MYT1L: variants seen among roughly 807,000 people sequenced by gnomAD.
The protein encoded by MYT1L is myelin transcription factor 1 like, also known as myelin transcription factor 1-like protein.
In MYT1L, 12 loss-of-function variants were observed where a neutral mutation model predicts 126.7. The ratio of observed to expected loss-of-function variants is 0.09; its 90% CI spans 0.06 to 0.15. The LOEUF is 0.15. MYT1L is among the 10% of genes least tolerant of loss of function. MYT1L has a pLI of 1.00. For synonymous variants in MYT1L, 541 were observed against 604.2 expected (o/e 0.90, Z 1.53); for missense variants, 979 against 1,585.2 (o/e 0.62, Z 6.49).
At chr2:2,065,485 CCTCAAA>C (rs1308971095) in intron 3 of MYT1L, among the ~76,000 whole-genome samples, 4 of 152,072 alleles carry the variant, frequency 2.6e-5, no homozygotes, top group Non-Finnish European at 5.9e-5. Flanking sequence ...TGATCAGCTG[CCTCAAA>C]CTCCTCATCA....
chr2:2,289,462 T>A (rs909689768), intron 1 of MYT1L, among the ~76,000 whole-genome samples: 3 of 152,218 alleles, frequency 2.0e-5, no homozygotes, highest in African/African-American at 7.2e-5. Context: ...TTTACATATA[T>A]CTTATAGAAA....
At chr2:1,804,181 C>G (rs182805121) in intron 22 of MYT1L, among the ~76,000 whole-genome samples, 1 of 152,116 alleles carries the variant, frequency 6.6e-6, no homozygotes, top group Non-Finnish European at 1.5e-5. Flanking sequence ...AGTGCAATGG[C>G]GTGACCTTGG....
chr2:2,289,872 G>A (rs1050399534), intron 1 of MYT1L, among the ~76,000 whole-genome samples: 1 of 152,184 alleles, frequency 6.6e-6, no homozygotes. Flanking sequence ...CTGTGTCATG[G>A]CATAAACAGG....
intron 1 of MYT1L, among the ~76,000 whole-genome samples, chr2:2,319,575 C>T (rs537726322): frequency 5.3e-5 from 8 of 152,204 alleles, no homozygotes; most frequent in South Asian, 4.2e-4. Flanking sequence ...CAATGCCATG[C>T]TGTTGAGTAC....
At chr2:2,068,324 C>G (rs1241729401) in intron 3 of MYT1L, among the ~76,000 whole-genome samples, 1 of 152,114 alleles carries the variant, frequency 6.6e-6, no homozygotes, top group Admixed American at 6.5e-5. Flanking sequence ...CTGAAGCTTT[C>G]TCCAGGAAAA....
At chr2:2,102,561 G>T (rs1040486325) in intron 3 of MYT1L, among the ~76,000 whole-genome samples, 2 of 151,270 alleles carry the variant, frequency 1.3e-5, no homozygotes, top group African/African-American at 4.9e-5. Flanking sequence ...CTGCTACACC[G>T]TTCTACTGTT....
At position 2,199,446 on chromosome 2, in the gene MYT1L, G is replaced by A. The variant is rs186542049; in HGVS notation, c.-420-26458C>T. On this transcript the variant is annotated intron_variant, in intron 2 of 24. Coordinates refer to ENST00000647738, the MANE Select transcript of MYT1L (RefSeq NM_001303052.2). Reference sequence around the variant, plus strand: ...AATGCAGATACCCATGACTATCTGCGGGGTATAGCGTGATCCCCCGTCACA... The same window carrying A: ...AATGCAGATACCCATGACTATCTGCAGGGTATAGCGTGATCCCCCGTCACA... 1.7e-3 allele frequency among the ~76,000 whole-genome samples: 258 copies of A among 152,238 alleles called. 1 individual carries two copies. The highest frequency in any genetic ancestry group is 5.4e-3 in the African/African-American group (226 of 41,538).
At chr2:1,820,713 AT>A (rs2038399259) in intron 21 of MYT1L, among the ~76,000 whole-genome samples, 1 of 152,040 alleles carries the variant, frequency 6.6e-6, no homozygotes, top group African/African-American at 2.4e-5. Context: ...TGCCTGGTTA[AT>A]TTTTAAATTT....
chr2:2,072,674 G>A (rs1209288829), intron 3 of MYT1L, among the ~76,000 whole-genome samples: 1 of 151,964 alleles, frequency 6.6e-6, no homozygotes, highest in African/African-American at 2.4e-5. Context: ...GAACCTGGTA[G>A]GAAGTGGTGG....
chr2:2,002,413 G>C (rs1440361179), intron 4 of MYT1L, among the ~76,000 whole-genome samples: 1 of 152,160 alleles, frequency 6.6e-6, no homozygotes, highest in Non-Finnish European at 1.5e-5. Flanking sequence ...GTTTCATGTA[G>C]AATTCAATTT....
chr2:2,018,228 T>G (rs147266507), intron 4 of MYT1L, among the ~76,000 whole-genome samples: 193 of 152,316 alleles, frequency 1.3e-3, no homozygotes, highest in African/African-American at 4.5e-3. Flanking sequence ...GAATAAGACC[T>G]TCTTGCCTAG....
intron 21 of MYT1L, among the ~76,000 whole-genome samples, chr2:1,817,254 A>G (rs2037802624): frequency 6.6e-6 from 1 of 152,206 alleles, no homozygotes; most frequent in African/African-American, 2.4e-5. Context: ...AGAACCACCC[A>G]GAGGACCGAC....
At chr2:2,236,592 C>T (rs1284595598) in intron 2 of MYT1L, among the ~76,000 whole-genome samples, 5 of 144,088 alleles carry the variant, frequency 3.5e-5, no homozygotes, top group South Asian at 4.7e-4. Flanking sequence ...CCCAGCACAT[C>T]CCAACCCAAC....
Position 1,811,728 on chromosome 2 carries a change from G to A in MYT1L, c.3081-2561C>T, listed in dbSNP as rs1052637366. On this transcript the variant is annotated intron_variant, in intron 21 of 24. Coordinates refer to ENST00000647738, the MANE Select transcript of MYT1L (RefSeq NM_001303052.2). The surrounding 1 kb of genome is among the most constrained non-coding windows in gnomAD (Gnocchi z 4.4). The stretch of plus-strand genomic sequence containing the variant: ...CTGTGCTACTCAAGCTGTCTTTAGT[G>A]TGGGGCGTGAACGAACCCCTCGCGT... Among the ~76,000 whole-genome samples, 1 of 152,172 alleles carries A rather than the reference G, an allele frequency of 6.6e-6. No individual in the cohort carries two copies. The highest frequency in any genetic ancestry group is 2.4e-5 in the African/African-American group (1 of 41,436).
intron 4 of MYT1L, among the ~76,000 whole-genome samples, chr2:1,998,701 T>C (rs574954462): frequency 9.2e-5 from 14 of 152,256 alleles, no homozygotes; most frequent in Admixed American, 5.2e-4. Flanking sequence ...TCTACTACAT[T>C]GTAGTTTAAA....
At position 2,265,627 on chromosome 2, in the gene MYT1L, T is replaced by G. The variant is rs115726714; in HGVS notation, c.-421+18777A>C. On this transcript the variant is annotated intron_variant, in intron 2 of 24. Coordinates refer to ENST00000647738, the MANE Select transcript of MYT1L (RefSeq NM_001303052.2). ...CCGCGGCATGGGAAGAACTTCATTG[T>G]TTAAGAGCATGGGCCTTGAGGTTGT... 6.6e-3 allele frequency among the ~76,000 whole-genome samples: 1,001 copies of G among 152,278 alleles called. 13 individuals carry two copies. Among genetic ancestry groups the G allele is most frequent in the African/African-American group, 0.023 (958 of 41,542 alleles).
At chr2:2,222,174 T>G (rs2093892878) in intron 2 of MYT1L, among the ~76,000 whole-genome samples, 2 of 152,192 alleles carry the variant, frequency 1.3e-5, no homozygotes, top group African/African-American at 4.8e-5. Flanking sequence ...TGAAACTCAG[T>G]GAAAAGGAGT....
Position 1,933,023 on chromosome 2 carries a change from G to C in MYT1L, c.506-9760C>G, listed in dbSNP as rs566837976. Among the ~76,000 whole-genome samples the C allele has an allele frequency of 1.6e-3, 250 of 152,192 alleles. 2 individuals carry two copies. The highest frequency in any genetic ancestry group is 0.011 in the South Asian group (53 of 4,810). On this transcript the variant is annotated intron_variant, in intron 9 of 24. Coordinates refer to ENST00000647738, the MANE Select transcript of MYT1L (RefSeq NM_001303052.2). ...GTCAGCGTGCCTGGGAGGCTCCCTG[G>C]AGGCTCACGGAGGACCTCTGAGTGA...
At chr2:2,222,558 T>C (rs1320323907) in intron 2 of MYT1L, among the ~76,000 whole-genome samples, 3 of 152,144 alleles carry the variant, frequency 2.0e-5, no homozygotes, top group Non-Finnish European at 4.4e-5. Context: ...ATTTTGAACA[T>C]ATATAGGAGT....
Sources: gnomAD v4.1 joint callset for allele counts (sites outside exome capture counted in the v4.1 genomes callset) on GRCh38, gnomAD v4.1.1 for gene constraint, Gnocchi (gnomAD v3.1) non-coding constraint, MANE v1.5 for transcripts, NCBI Gene and HGNC (gene_info 2026-07-23, HGNC 2026-07-21) for gene names.